The following KLRC2 variants were observed in gnomAD, a reference collection of about 807,000 sequenced individuals.
KLRC2 encodes killer cell lectin like receptor C2, also known as NKG2-C type II integral membrane protein.
KLRC2 carries 10 observed loss-of-function variants against 25.5 expected under a neutral mutation model. That is an observed-to-expected ratio of 0.39 (90% CI 0.24 to 0.67). The LOEUF is 0.67. Ranked by LOEUF, KLRC2 falls within the 30% of genes least tolerant of loss-of-function variation. The probability of loss-of-function intolerance (pLI) is 0.45; values close to 1 mark genes in which losing one functional copy is unlikely to be tolerated. For synonymous variants in KLRC2, 48 were observed against 93.3 expected, an observed-to-expected ratio of 0.51 and a Z score of 2.80; for missense variants, 170 against 272.8, an observed-to-expected ratio of 0.62 and a Z score of 2.65.
Position 10,435,995 on chromosome 12 carries a change from C to G in KLRC2, c.-9G>C. ...CCTCTTTGTTTATTCATCTCTGCAG[C>G]TGTGTGATGTGAGGGACTGTGCTCT... On this transcript the variant is annotated 5_prime_UTR_variant, in exon 1 of 6. Coordinates refer to ENST00000381902, the MANE Select transcript of KLRC2 (RefSeq NM_002260.4). 6.2e-7 allele frequency: 1 copy of G among 1,605,478 alleles called. No homozygotes were observed. The highest frequency in any genetic ancestry group is 8.5e-7 in the Non-Finnish European group (1 of 1,176,090).
intron 5 of KLRC2, 167 bp from the exon 6 acceptor site, chr12:10,431,395 C>T (rs976226039): frequency 6.1e-6 from 5 of 813,112 alleles, no homozygotes; most frequent in South Asian, 6.1e-5. Context: ...AGTAGTCCCT[C>T]TTCATCCACG....
In KLRC2 at chr12:10,432,140, A is replaced by G. The variant is rs1565506845; in HGVS notation, c.550T>C (p.Trp184Arg). Residue 184 changes from tryptophan to arginine, a missense_variant, in exon 5 of 6, where the codon TGG becomes CGG. Physicochemically the swap from Trp to Arg is moderately radical, Grantham distance 101 (BLOSUM62 -3). Around this residue, in one of 3 missense-constraint regions of KLRC2, gnomAD observed 129 missense variants for 150.2 expected, o/e 0.86. Transcript: ENST00000381902. ...GVFRNSSHHP[W>R]VTINGLAFKH... ...AAAGCCAAACCATTTATTGTCACCC[A>G]TGGATGATGACTGCTGTTACGAAAC... 1.3e-6 allele frequency: 2 copies of G among 1,532,426 alleles called. No individual in the cohort carries two copies. Among genetic ancestry groups the G allele is most frequent in the South Asian group, 1.2e-5 (1 of 86,444 alleles). The allele number at this position is 1,532,426 out of a possible 1,614,324, so 94.9% of individuals were successfully genotyped here.
Position 10,435,379 on chromosome 12 carries a change from G to T in KLRC2, c.219C>A (p.Ala73=). Reference sequence around the variant, plus strand: ...CAATGCAAATGATTCCTAGGACCTCGGCAGTGAGCTTCTCTGGAGGTGGCA... The same window carrying T: ...CAATGCAAATGATTCCTAGGACCTCTGCAGTGAGCTTCTCTGGAGGTGGCA... ...GLLPPPEKLT[A]EVLGIICIVL... is the part of the protein sequence containing the mutation. Residue 73 remains alanine, a synonymous_variant, in exon 2 of 6, where the codon GCC becomes GCA. Coordinates refer to ENST00000381902, the MANE Select transcript of KLRC2 (RefSeq NM_002260.4). 1.2e-6 allele frequency: 2 copies of T among 1,612,900 alleles called. No homozygotes were observed. Among genetic ancestry groups the T allele is most frequent in the Non-Finnish European group, 1.7e-6 (2 of 1,179,536 alleles).
At chr12:10,434,369 T>A in intron 3 of KLRC2, 117 bp downstream of exon 3, 2 of 724,058 alleles carry the variant, frequency 2.8e-6, no homozygotes, top group Non-Finnish European at 4.8e-6. Context: ...TTATAAATAT[T>A]TATGGCTGAA....
chr12:10,435,953 T>C lies in KLRC2; in HGVS notation c.34A>G (p.Ser12Gly), dbSNP rs1863865841. The C allele has an allele frequency of 6.2e-7, 1 of 1,606,728 alleles. No individual in the cohort carries two copies. The highest frequency in any genetic ancestry group is 1.7e-5 in the Admixed American group (1 of 59,638). ...NKQRGTFSEVSLAQDPKRQQR... is the reference protein window; with the variant it reads ...NKQRGTFSEVGLAQDPKRQQR... ...TGCCGCTTTGGGTCCTGGGCCAGACTCACTTCTGAGAAGGTTCCTCTTTGT... is the reference window on the plus strand; with the variant it reads ...TGCCGCTTTGGGTCCTGGGCCAGACCCACTTCTGAGAAGGTTCCTCTTTGT... Residue 12 changes from serine (S) to glycine (G), a missense_variant, in exon 1 of 6, where the codon AGT becomes GGT. Ser to Gly is a moderately conservative substitution (Grantham distance 56, BLOSUM62 0). Around this residue, in one of 3 missense-constraint regions of KLRC2, gnomAD observed 37 missense variants for 68.0 expected, o/e 0.54. Coordinates refer to ENST00000381902, the MANE Select transcript of KLRC2 (RefSeq NM_002260.4).
intron 2 of KLRC2, among the ~76,000 whole-genome samples, chr12:10,434,769 AATTT>A (rs1310738086): frequency 1.3e-5 from 2 of 152,100 alleles, no homozygotes; most frequent in Non-Finnish European, 2.9e-5. Context: ...TTCAAAAATT[AATTT>A]GTTTTTCTAA....
chr12:10,433,718 T>C, intron 4 of KLRC2, 73 bp downstream of exon 4: 1 of 1,392,360 alleles, frequency 7.2e-7, no homozygotes, highest in South Asian at 1.2e-5. Context: ...TACACACATA[T>C]GGATGTTTTC....
chr12:10,434,736 TTGTAGTATTTGA>T (rs1863852397), intron 2 of KLRC2, among the ~76,000 whole-genome samples: 1 of 151,864 alleles, frequency 6.6e-6, no homozygotes, highest in African/African-American at 2.4e-5. Context: ...TCACCATCTC[TTGTAGTATTTGA>T]TGTAACCACT....
chr12:10,431,530 T>A (rs1443109289), intron 5 of KLRC2, among the ~76,000 whole-genome samples: 3 of 141,810 alleles, frequency 2.1e-5, no homozygotes, highest in Non-Finnish European at 3.1e-5. Context: ...TTAGGCACAA[T>A]AAGAGATTGA....
rs1339312310 is a variant in KLRC2, at chr12:10,431,331, G to A, written c.585-103C>T. 11 of 1,379,438 alleles carry A rather than the reference G, an allele frequency of 8.0e-6. No individual in the cohort carries two copies. In the African/African-American group the frequency reaches 1.6e-4, roughly 20 times the overall value. The allele number at this position is 1,379,438 out of a possible 1,614,324, so 85.4% of individuals were successfully genotyped here. On this transcript the variant is annotated intron_variant, in intron 5 of 5. Transcript: ENST00000381902. Reference sequence around the variant, plus strand: ...TAAGAAAAGAATTTCATGGAAAAGGGTAATTAAATTTTTCATAATATTAGT... The same window carrying A: ...TAAGAAAAGAATTTCATGGAAAAGGATAATTAAATTTTTCATAATATTAGT...
rs568888104 is a variant in KLRC2 at position 10,434,074 on chromosome 12, A to G, written c.332-132T>C. 112 of 1,323,926 alleles carry G rather than the reference A, an allele frequency of 8.5e-5. 20 individuals are homozygous for G. The African/African-American group carries it at 1.7e-3, about 20-fold the overall frequency. 82.0% of individuals were successfully genotyped at this position (1,323,926 alleles called of 1,614,324 possible). ...CATCCTTACAGGCTTATAAATGTAT[A>G]TTTTTAATAACTGAGTCAGTCATAC... On this transcript the variant is annotated intron_variant, in intron 3 of 5. Transcript: ENST00000381902.
chr12:10,432,687 G>A (rs550606729), intron 4 of KLRC2, among the ~76,000 whole-genome samples: 1 of 134,854 alleles, frequency 7.4e-6, no homozygotes, highest in South Asian at 2.3e-4. Flanking sequence ...CAGGGGTCCT[G>A]GCCAGGTGGT....
chr12:10,431,310 A>G lies in KLRC2; in HGVS notation c.585-82T>C, dbSNP rs781019221. 4 of 1,465,250 alleles carry G rather than the reference A, an allele frequency of 2.7e-6. No individual in the cohort carries two copies. The Admixed American group carries it at 7.0e-5, about 25-fold the overall frequency. The allele number at this position is 1,465,250 out of a possible 1,614,324, so 90.8% of individuals were successfully genotyped here. A position where few individuals can be genotyped will look rare whatever the true frequency, so the allele number is the denominator to read the frequency against. On this transcript the variant is annotated intron_variant, in intron 5 of 5. Coordinates refer to ENST00000381902, the MANE Select transcript of KLRC2 (RefSeq NM_002260.4). ...GAAAGCATTTTCCATGTACTGTAAG[A>G]AAAGAATTTCATGGAAAAGGGTAAT...
chr12:10,432,509 T>A (rs1565506964), intron 4 of KLRC2, among the ~76,000 whole-genome samples: 1 of 123,288 alleles, frequency 8.1e-6, no homozygotes, highest in African/African-American at 3.0e-5. Context: ...ACTAAATCAA[T>A]CTATTTTTGT....
At position 10,431,694 on chromosome 12, in the gene KLRC2, G is replaced by T. The variant is rs543491036; in HGVS notation, c.584+412C>A. 2.1e-5 allele frequency among the ~76,000 whole-genome samples: 3 copies of T among 141,774 alleles called. 1 individual carries two copies. The highest frequency in any genetic ancestry group is 8.1e-5 in the African/African-American group (3 of 37,074). The allele number at this position is 141,774 out of a possible 152,430, so 93.0% of individuals were successfully genotyped here. On this transcript the variant is annotated intron_variant, in intron 5 of 5. Coordinates refer to ENST00000381902, the MANE Select transcript of KLRC2 (RefSeq NM_002260.4). The stretch of plus-strand genomic sequence containing the variant: ...AGTCCAGCTCGAGGTTGTCCAACTC[G>T]CTGCCCATGGGCCGCACGTGACCCA...
chr12:10,434,919 T>C, intron 2 of KLRC2: 1 of 442,116 alleles, frequency 2.3e-6, no homozygotes, highest in Non-Finnish European at 3.9e-6. Context: ...ATTTATGTTG[T>C]GAAAAATTCA....
intron 4 of KLRC2, among the ~76,000 whole-genome samples, chr12:10,433,543 A>G (rs1863837077): frequency 7.0e-6 from 1 of 141,956 alleles, no homozygotes; most frequent in Non-Finnish European, 1.5e-5. Flanking sequence ...ATAAAATTAG[A>G]TAGCAAAATT....
At chr12:10,433,685 A>G in intron 4 of KLRC2, 106 bp downstream of exon 4, 1 of 1,191,710 alleles carries the variant, frequency 8.4e-7, no homozygotes, top group Non-Finnish European at 1.2e-6. Context: ...CATACACTTG[A>G]AAATATATGA....
chr12:10,431,010 A>G lies in KLRC2; in HGVS notation c.*107T>C, dbSNP rs1247506026. ...TCAATAATTGATTTAGAATTTTTGT[A>G]TCAGAGCAAATAACATAATTCATTT... On this transcript the variant is annotated 3_prime_UTR_variant, in exon 6 of 6. Transcript: ENST00000381902. The G allele has an allele frequency of 7.8e-6, 9 of 1,153,008 alleles. 2 individuals are homozygous for G. Among genetic ancestry groups the G allele is most frequent in the African/African-American group, 5.2e-5 (3 of 57,492 alleles). The allele number at this position is 1,153,008 out of a possible 1,614,324, so 71.4% of individuals were successfully genotyped here. A position where few individuals can be genotyped will look rare whatever the true frequency, so the allele number is the denominator to read the frequency against.
Sources: gnomAD v4.1 joint callset for allele counts (sites outside exome capture counted in the v4.1 genomes callset) on GRCh38, gnomAD v4.1.1 for gene constraint, gnomAD v4.1.1 regional missense constraint, MANE v1.5 for transcripts, NCBI Gene and HGNC (gene_info 2026-07-23, HGNC 2026-07-21) for gene names.